SLC43A1: variants seen among roughly 807,000 people sequenced by gnomAD.
The protein encoded by SLC43A1 is solute carrier family 43 member 1.
A neutral mutation model predicts 59.5 loss-of-function variants in SLC43A1; 31 were observed. The observed-to-expected ratio is 0.52, with a 90% CI of 0.39 to 0.70. SLC43A1 has a LOEUF of 0.70. Among genes scored for constraint, SLC43A1 ranks in the 30% least tolerant of loss-of-function variants. SLC43A1 has a pLI of 0.00. For missense variants in SLC43A1, 598 were observed against 717.8 expected, an observed-to-expected ratio of 0.83 and a Z score of 1.91; for synonymous variants, 259 against 290.9, an observed-to-expected ratio of 0.89 and a Z score of 1.12.
chr11:57,486,253 A>C (rs1276494980), intron 14 of SLC43A1, among the ~76,000 whole-genome samples: 1 of 152,210 alleles, frequency 6.6e-6, no homozygotes, highest in Non-Finnish European at 1.5e-5. Flanking sequence ...CTGGGAGGCC[A>C]AGGTGAGAAG....
chr11:57,512,770 GCCCCTGTCA>G (rs755556324), intron 2 of SLC43A1, among the ~76,000 whole-genome samples: 6 of 151,572 alleles, frequency 4.0e-5, no homozygotes, highest in Non-Finnish European at 7.4e-5. Context: ...ACCTCCTCCA[GCCCCTGTCA>G]CCCCATAATT....
intron 3 of SLC43A1, 28 bp downstream of exon 3, chr11:57,501,124 C>G (rs376725217): frequency 6.2e-7 from 1 of 1,612,970 alleles, no homozygotes; most frequent in Middle Eastern, 1.6e-4. Context: ...TCCCTGTCCT[C>G]CCGTTCCCCA....
At position 57,487,156 on chromosome 11, in the gene SLC43A1, G is replaced by T; in HGVS notation, c.1472C>A (p.Ala491Asp). The T allele has an allele frequency of 6.2e-7, 1 of 1,614,110 alleles. No individual in the cohort carries two copies. The highest frequency in any genetic ancestry group is 8.5e-7 in the Non-Finnish European group (1 of 1,179,996). Residue 491 changes from alanine to aspartate, a missense_variant, in exon 14 of 15, where the codon GCC (alanine) becomes GAC (aspartate). Transcript: ENST00000278426. ...GLQSLISAVF[A>D]LLQQPLFMAM... ...CATGAAAAGTGGCTGCTGAAGCAAG[G>T]CGAACACAGCACTGATGAGGGACTG...
intron 8 of SLC43A1, among the ~76,000 whole-genome samples, chr11:57,492,565 TATATATATAA>T (rs1340817537): frequency 0.07 from 1,072 of 15,292 alleles, 32 homozygotes; most frequent in Middle Eastern, 0.33. Context: ...TATATATATA[TATATATATAA>T]AAAAATAAGC....
At chr11:57,492,589 G>A in intron 8 of SLC43A1, among the ~76,000 whole-genome samples, 2 of 123,914 alleles carry the variant, frequency 1.6e-5, no homozygotes, top group Non-Finnish European at 3.2e-5. Context: ...AATAAGCCAG[G>A]CATGGTTGTG....
chr11:57,506,675 G>A (rs994159423), intron 2 of SLC43A1, among the ~76,000 whole-genome samples: 1 of 149,360 alleles, frequency 6.7e-6, no homozygotes, highest in African/African-American at 2.5e-5. Context: ...AGGTTCTGGA[G>A]TCCAATGTGA....
chr11:57,508,352 T>C (rs1944443819), intron 2 of SLC43A1, among the ~76,000 whole-genome samples: 1 of 151,890 alleles, frequency 6.6e-6, no homozygotes. Flanking sequence ...GAGTTGGAAG[T>C]CTGCCTCTTT....
intron 2 of SLC43A1, among the ~76,000 whole-genome samples, chr11:57,503,981 C>G (rs1944332168): frequency 6.6e-6 from 1 of 152,066 alleles, no homozygotes; most frequent in Non-Finnish European, 1.5e-5. Flanking sequence ...ATCACAAAGT[C>G]AGGAGATCGA....
At chr11:57,507,920 T>C (rs1429908079) in intron 2 of SLC43A1, among the ~76,000 whole-genome samples, 3 of 152,212 alleles carry the variant, frequency 2.0e-5, no homozygotes, top group East Asian at 3.8e-4. Flanking sequence ...ACAACAGCGC[T>C]ATAAGGTATG....
intron 2 of SLC43A1, among the ~76,000 whole-genome samples, chr11:57,504,746 A>G (rs1256395586): frequency 6.6e-6 from 1 of 152,230 alleles, no homozygotes; most frequent in Non-Finnish European, 1.5e-5. Context: ...CCAAGCACAC[A>G]TCAGTGCCAG....
intron 2 of SLC43A1, among the ~76,000 whole-genome samples, chr11:57,505,639 C>T (rs1349218739): frequency 6.6e-6 from 1 of 151,918 alleles, no homozygotes; most frequent in Non-Finnish European, 1.5e-5. Context: ...CCCGATATTC[C>T]AAGAATATTA....
At chr11:57,487,365 C>G (rs996200891) in intron 13 of SLC43A1, 147 bp from the exon 14 acceptor site, 2 of 1,032,224 alleles carry the variant, frequency 1.9e-6, no homozygotes, top group African/African-American at 3.2e-5. Context: ...TCTTTGGTCC[C>G]CAGCCTTGAG....
intron 2 of SLC43A1, among the ~76,000 whole-genome samples, chr11:57,502,334 T>C (rs1037612930): frequency 6.6e-6 from 1 of 152,242 alleles, no homozygotes; most frequent in African/African-American, 2.4e-5. Context: ...AGTAACTTTC[T>C]TCTTGTCTGT....
chr11:57,493,003 G>A (rs1178517379), intron 8 of SLC43A1, among the ~76,000 whole-genome samples: 1 of 152,018 alleles, frequency 6.6e-6, no homozygotes, highest in African/African-American at 2.4e-5. Flanking sequence ...TCATGCCACT[G>A]CACTCCAGCC....
rs115146548 is a variant in SLC43A1, at chr11:57,501,020, G to A, written c.356C>T (p.Thr119Ile). Residue 119 changes from threonine (T) to isoleucine (I), a missense_variant, in exon 4 of 15, where the codon ACC becomes ATC. Transcript: ENST00000278426. ...GTCCCGGGAGGCCAGGGCCATGAGG[G>A]TGCAGGACGCAGTGAAGCAGGCACT... ...VGSACFTASC[T>I]LMALASRDVE... is the part of the protein sequence containing the mutation. The A allele has an allele frequency of 4.8e-4, 765 of 1,602,202 alleles. 4 individuals carry two copies. The African/African-American group carries it at 9.3e-3, about 20-fold the overall frequency.
rs758758348 is a variant in SLC43A1 at position 57,487,086 on chromosome 11, C to T, written c.1533+9G>A. Reference sequence around the variant, plus strand: ...CTCCTGCTCCCCCCACACCAACCCTCGCTCTCACCCAGAAGGGCTCTCCTT... The same window carrying T: ...CTCCTGCTCCCCCCACACCAACCCTTGCTCTCACCCAGAAGGGCTCTCCTT... On this transcript the variant is annotated intron_variant, in intron 14 of 14. Transcript: ENST00000278426. The T allele has an allele frequency of 3.1e-6, 5 of 1,613,460 alleles. No individual in the cohort carries two copies. Among genetic ancestry groups the T allele is most frequent in the Non-Finnish European group, 3.4e-6 (4 of 1,179,764 alleles).
chr11:57,492,571 TATAA>T (rs869218910), intron 8 of SLC43A1, among the ~76,000 whole-genome samples: 888 of 16,246 alleles, frequency 0.055, 20 homozygotes, highest in East Asian at 0.25. Flanking sequence ...TATATATATA[TATAA>T]AAAAATAAGC....
intron 13 of SLC43A1, among the ~76,000 whole-genome samples, chr11:57,487,720 C>T (rs897632623): frequency 3.3e-5 from 5 of 151,446 alleles, no homozygotes; most frequent in African/African-American, 9.7e-5. Flanking sequence ...AGCAGAGAAG[C>T]GGGCAGTAGG....
At chr11:57,510,328 G>A (rs1326224696) in intron 2 of SLC43A1, among the ~76,000 whole-genome samples, 1 of 151,686 alleles carries the variant, frequency 6.6e-6, no homozygotes, top group Non-Finnish European at 1.5e-5. Context: ...CGTGGTGGTG[G>A]ACGCCTGTAA....
Sources: allele counts gnomAD v4.1 joint callset (sites outside exome capture counted in the v4.1 genomes callset), GRCh38; gene constraint gnomAD v4.1.1; transcripts MANE v1.5; gene names NCBI Gene and HGNC (gene_info 2026-07-23, HGNC 2026-07-21).